The following CCDC39 variants were observed in gnomAD, a reference collection of about 807,000 sequenced individuals.
CCDC39 encodes coiled-coil domain 39 molecular ruler complex subunit.
Under a neutral mutation model 121.0 loss-of-function variants are expected in CCDC39, and 113 were observed. That is an observed-to-expected ratio of 0.93 (90% CI 0.80 to 1.09). The LOEUF is 1.09. CCDC39 is among the 50% of genes least tolerant of loss of function. The pLI is 0.00. For synonymous variants in CCDC39, 349 were observed against 352.2 expected (o/e 0.99, Z 0.10); for missense variants, 1,063 against 1,074.7 (o/e 0.99, Z 0.15).
intron 11 of CCDC39, among the ~76,000 whole-genome samples, chr3:180,645,827 G>T (rs774807081): frequency 2.0e-5 from 3 of 152,002 alleles, no homozygotes; most frequent in Non-Finnish European, 4.4e-5. Flanking sequence ...AACCAGAGTT[G>T]GAATGGCATA....
intron 14 of CCDC39, among the ~76,000 whole-genome samples, chr3:180,624,566 T>C (rs766173105): frequency 2.6e-5 from 4 of 152,180 alleles, no homozygotes; most frequent in Admixed American, 6.5e-5. Flanking sequence ...CTCTTTTGTG[T>C]GTTTGTTTTA....
At chr3:180,621,282 G>A (rs1576932610) in intron 14 of CCDC39, among the ~76,000 whole-genome samples, 2 of 152,124 alleles carry the variant, frequency 1.3e-5, no homozygotes, top group Admixed American at 1.3e-4. Flanking sequence ...GTAGATACCA[G>A]GTAGTAGGAC....
At chr3:180,661,716 C>A (rs1711745682) in intron 3 of CCDC39, 145 bp downstream of exon 3, 2 of 648,562 alleles carry the variant, frequency 3.1e-6, no homozygotes, top group Non-Finnish European at 5.3e-6. Flanking sequence ...GCTCCATGTG[C>A]CTTTCACTGT....
chr3:180,650,915 TAA>T (rs1261630191), intron 9 of CCDC39, among the ~76,000 whole-genome samples: 2 of 151,084 alleles, frequency 1.3e-5, no homozygotes, highest in Non-Finnish European at 3.0e-5. Flanking sequence ...ATTAGTAGCT[TAA>T]AAAGAGAGGA....
intron 13 of CCDC39, among the ~76,000 whole-genome samples, chr3:180,640,102 A>T (rs1717920586): frequency 6.6e-6 from 1 of 152,044 alleles, no homozygotes; most frequent in Non-Finnish European, 1.5e-5. Context: ...ATGGGGTACA[A>T]AGAAACTTGT....
intron 6 of CCDC39, among the ~76,000 whole-genome samples, chr3:180,657,171 C>T (rs1007166691): frequency 2.0e-5 from 3 of 152,100 alleles, no homozygotes; most frequent in African/African-American, 7.2e-5. Context: ...TCCTATAGAT[C>T]AGGGGTTTTT....
chr3:180,652,138 C>A, intron 8 of CCDC39, 25 bp downstream of exon 8: 1 of 1,153,794 alleles, frequency 8.7e-7, no homozygotes, highest in Admixed American at 2.5e-5. Flanking sequence ...TAATCATAAA[C>A]ATATTTAGAT....
Position 180,659,769 on chromosome 3 carries a change from C to A in CCDC39, c.517G>T (p.Ala173Ser). Residue 173 changes from alanine (A) to serine (S), a missense_variant and splice_region_variant, in exon 5 of 20, where the codon GCA becomes TCA. Physicochemically the swap from Ala to Ser is moderately conservative, Grantham distance 99 (BLOSUM62 1). Transcript: ENST00000476379. ...YAQQDDNKIR[A>S]LTLQLERLTL... The stretch of plus-strand genomic sequence containing the variant: ...AGTCTTTCTAATTGCAGAGTCAGTG[C>A]CTATGATGTAATTATATACAGATAC... 1 of 1,595,256 alleles carries A rather than the reference C, an allele frequency of 6.3e-7. No individual in the cohort carries two copies. The highest frequency in any genetic ancestry group is 8.6e-7 in the Non-Finnish European group (1 of 1,165,668).
intron 1 of CCDC39, among the ~76,000 whole-genome samples, chr3:180,677,171 TA>T (rs1712251274): frequency 3.4e-5 from 1 of 29,806 alleles, no homozygotes; most frequent in African/African-American, 1.6e-4. Context: ...AATAATTTTA[TA>T]TATATATATA....
At chr3:180,625,931 G>A (rs1560082318) in intron 14 of CCDC39, among the ~76,000 whole-genome samples, 1 of 151,968 alleles carries the variant, frequency 6.6e-6, no homozygotes. Context: ...TGGTGTTAGT[G>A]GATCCTGGAA....
intron 3 of CCDC39, 26 bp from the exon 4 acceptor site, chr3:180,660,754 G>A (rs1200250267): frequency 2.5e-6 from 4 of 1,580,976 alleles, no homozygotes; most frequent in East Asian, 2.3e-5. Flanking sequence ...AGAGAGAAAA[G>A]GGGAGATTAC....
At chr3:180,646,281 GAA>G (rs139959260) in intron 11 of CCDC39, among the ~76,000 whole-genome samples, 1 of 143,816 alleles carries the variant, frequency 7.0e-6, no homozygotes. Flanking sequence ...TTCTTAAGAA[GAA>G]AAAAAAAAAG....
At chr3:180,657,096 AG>A (rs1560091277) in intron 6 of CCDC39, among the ~76,000 whole-genome samples, 1 of 152,242 alleles carries the variant, frequency 6.6e-6, no homozygotes, top group African/African-American at 2.4e-5. Context: ...ACACTCTTTC[AG>A]GGTCTGGATC....
intron 13 of CCDC39, among the ~76,000 whole-genome samples, chr3:180,631,847 T>C (rs573361800): frequency 6.6e-6 from 1 of 152,310 alleles, no homozygotes; most frequent in East Asian, 1.9e-4. Context: ...GTGTGAAGGA[T>C]CTGATATTTA....
At chr3:180,620,447 A>G (rs1283151457) in intron 14 of CCDC39, among the ~76,000 whole-genome samples, 3 of 152,034 alleles carry the variant, frequency 2.0e-5, no homozygotes, top group African/African-American at 7.2e-5. Flanking sequence ...GATCATTGTA[A>G]TAAGTGTGGC....
intron 15 of CCDC39, 45 bp downstream of exon 15, chr3:180,619,766 C>CT: frequency 8.8e-7 from 1 of 1,133,934 alleles, no homozygotes; most frequent in East Asian, 2.6e-5. Context: ...TAACTATACA[C>CT]TCGTCACTGT....
chr3:180,636,902 T>C (rs541258264), intron 13 of CCDC39, among the ~76,000 whole-genome samples: 1 of 152,314 alleles, frequency 6.6e-6, no homozygotes, highest in South Asian at 2.1e-4. Context: ...ACTGGACCCC[T>C]TTCTTATACC....
chr3:180,637,744 A>G (rs1717865405), intron 13 of CCDC39, among the ~76,000 whole-genome samples: 1 of 152,228 alleles, frequency 6.6e-6, no homozygotes, highest in South Asian at 2.1e-4. Flanking sequence ...AATACAATGC[A>G]GCCATAAAAA....
In CCDC39 at chr3:180,661,724, T is replaced by G. The variant is rs958083389; in HGVS notation, c.357+137A>C. The G allele has an allele frequency of 8.6e-6, 6 of 699,242 alleles. No individual in the cohort carries two copies. In the African/African-American group the frequency reaches 1.1e-4, roughly 13 times the overall value. The allele number at this position is 699,242 out of a possible 1,614,324, so 43.3% of individuals were successfully genotyped here. A position where few individuals can be genotyped will look rare whatever the true frequency, so the allele number is the denominator to read the frequency against. On this transcript the variant is annotated intron_variant, in intron 3 of 19. Transcript: ENST00000476379. ...AATCACAGCTCCATGTGCCTTTCAC[T>G]GTCCAAAAAATACGTAAGTAAACAC...
Sources: allele counts gnomAD v4.1 joint callset (sites outside exome capture counted in the v4.1 genomes callset), GRCh38; gene constraint gnomAD v4.1.1; transcripts MANE v1.5; gene names NCBI Gene and HGNC (gene_info 2026-07-23, HGNC 2026-07-21).